Variants in TMEM232 observed in about 807,000 individuals in gnomAD.
TMEM232 encodes the protein transmembrane protein 232.
TMEM232 carries 80 observed loss-of-function variants against 78.8 expected under a neutral mutation model. The ratio of observed to expected loss-of-function variants is 1.01; its 90% CI spans 0.85 to 1.22. TMEM232 has a LOEUF of 1.22. Ranked by LOEUF, TMEM232 falls within the 50% of genes most tolerant of loss-of-function variation. The probability of loss-of-function intolerance (pLI) is 0.00; values close to 1 mark genes in which losing one functional copy is unlikely to be tolerated. For synonymous variants in TMEM232, 297 were observed against 254.3 expected, an observed-to-expected ratio of 1.17 and a Z score of -1.60; for missense variants, 881 against 742.2, an observed-to-expected ratio of 1.19 and a Z score of -2.17.
intron 10 of TMEM232, among the ~76,000 whole-genome samples, chr5:110,584,577 A>T (rs1778589919): frequency 6.6e-6 from 1 of 152,086 alleles, no homozygotes; most frequent in Admixed American, 6.6e-5. Flanking sequence ...TCTGCTGTAA[A>T]ACATTGTGTC....
chr5:110,550,764 C>T (rs1013221393), intron 11 of TMEM232, among the ~76,000 whole-genome samples: 1 of 151,426 alleles, frequency 6.6e-6, no homozygotes, highest in African/African-American at 2.4e-5. Context: ...TCAATTACCG[C>T]CAAATAGCTC....
At chr5:110,488,744 A>C (rs986933107) in intron 12 of TMEM232, among the ~76,000 whole-genome samples, 1 of 152,028 alleles carries the variant, frequency 6.6e-6, no homozygotes, top group Non-Finnish European at 1.5e-5. Context: ...AATAGTAAAC[A>C]ATAGAGAAAA....
chr5:110,622,927 G>A (rs1274453659), intron 7 of TMEM232, among the ~76,000 whole-genome samples: 4 of 151,546 alleles, frequency 2.6e-5, no homozygotes, highest in Non-Finnish European at 5.9e-5. Context: ...CACCAGCATG[G>A]CACATGTATA....
chr5:110,448,314 C>T (rs1365263513), intron 12 of TMEM232, among the ~76,000 whole-genome samples: 1 of 151,964 alleles, frequency 6.6e-6, no homozygotes, highest in African/African-American at 2.4e-5. Flanking sequence ...ATGGAGGTAA[C>T]TCAAAGTTTA....
chr5:110,533,202 G>A (rs956202139), intron 11 of TMEM232, among the ~76,000 whole-genome samples: 12 of 152,224 alleles, frequency 7.9e-5, no homozygotes, highest in East Asian at 3.9e-4. Context: ...CTGTACTGCC[G>A]CAAGGCTTCA....
chr5:110,519,485 G>A (rs1262786561), intron 12 of TMEM232, among the ~76,000 whole-genome samples: 2 of 152,098 alleles, frequency 1.3e-5, no homozygotes, highest in African/African-American at 4.8e-5. Flanking sequence ...ATGTTGGTGA[G>A]GATGTGGAGA....
chr5:110,710,291 A>G (rs1373487558), intron 1 of TMEM232, among the ~76,000 whole-genome samples: 1 of 152,124 alleles, frequency 6.6e-6, no homozygotes, highest in East Asian at 1.9e-4. Flanking sequence ...GCAGGACTCA[A>G]TGGTTTCACT....
At chr5:110,586,766 A>G (rs1778866170) in intron 10 of TMEM232, among the ~76,000 whole-genome samples, 1 of 152,120 alleles carries the variant, frequency 6.6e-6, no homozygotes, top group African/African-American at 2.4e-5. Flanking sequence ...CTATTGGTAG[A>G]CTTACAAAAA....
At chr5:110,718,819 C>G (rs1797288749) in intron 1 of TMEM232, among the ~76,000 whole-genome samples, 1 of 151,964 alleles carries the variant, frequency 6.6e-6, no homozygotes, top group Non-Finnish European at 1.5e-5. Flanking sequence ...TGGATGCACT[C>G]AACTCTATTA....
chr5:110,688,613 C>T (rs1363084263), intron 1 of TMEM232, among the ~76,000 whole-genome samples: 1 of 152,078 alleles, frequency 6.6e-6, no homozygotes, highest in Non-Finnish European at 1.5e-5. Context: ...TATGACAAAC[C>T]AAAGGAGGCC....
chr5:110,694,432 G>A (rs1033765378), intron 1 of TMEM232, among the ~76,000 whole-genome samples: 7 of 151,958 alleles, frequency 4.6e-5, no homozygotes, highest in South Asian at 2.1e-4. Flanking sequence ...TCATAATGAC[G>A]GGATCAAATT....
chr5:110,648,974 G>A (rs987934337), intron 2 of TMEM232, among the ~76,000 whole-genome samples: 8 of 152,080 alleles, frequency 5.3e-5, no homozygotes, highest in East Asian at 1.9e-4. Flanking sequence ...AGTTGCTGGT[G>A]TGCTGGCATG....
chr5:110,401,116 C>A (rs1755575060), intron 2 of TMEM232, among the ~76,000 whole-genome samples: 1 of 151,966 alleles, frequency 6.6e-6, no homozygotes, highest in Admixed American at 6.6e-5. Flanking sequence ...TGGAAACTAC[C>A]TGTCCAAAGC....
chr5:110,520,512 A>T (rs995029654), intron 12 of TMEM232, among the ~76,000 whole-genome samples: 1 of 152,248 alleles, frequency 6.6e-6, no homozygotes, highest in African/African-American at 2.4e-5. Flanking sequence ...TTTCTAGATC[A>T]ATCATTAACA....
At chr5:110,738,574 G>A, upstream of TMEM232, 1 of 181,180 alleles carries the variant, frequency 5.5e-6, no homozygotes, top group East Asian at 1.8e-4. Context: ...CCCAAGTGCG[G>A]GAGACAAAGC....
chr5:110,538,839 A>G (rs2149570933), intron 11 of TMEM232, among the ~76,000 whole-genome samples: 1 of 152,154 alleles, frequency 6.6e-6, no homozygotes, highest in East Asian at 1.9e-4. Flanking sequence ...TACAGAAGCA[A>G]ATTACTCTGT....
chr5:110,587,195 T>C (rs1457734518), intron 10 of TMEM232, among the ~76,000 whole-genome samples: 1 of 151,898 alleles, frequency 6.6e-6, no homozygotes, highest in African/African-American at 2.4e-5. Flanking sequence ...TGCAGACACA[T>C]ATATACATAT....
At chr5:110,611,009 C>A (rs1216298730) in intron 8 of TMEM232, among the ~76,000 whole-genome samples, 1 of 151,884 alleles carries the variant, frequency 6.6e-6, no homozygotes, top group Non-Finnish European at 1.5e-5. Context: ...TGTTAAATGG[C>A]TGCAGGTGAG....
intron 12 of TMEM232, among the ~76,000 whole-genome samples, chr5:110,482,341 G>C (rs1231583009): frequency 6.6e-6 from 1 of 152,086 alleles, no homozygotes; most frequent in Non-Finnish European, 1.5e-5. Flanking sequence ...AGCACTTTGG[G>C]AGGCCAAGAC....
Sources: allele counts gnomAD v4.1 joint callset (sites outside exome capture counted in the v4.1 genomes callset), GRCh38; gene constraint gnomAD v4.1.1; transcripts MANE v1.5; gene names NCBI Gene and HGNC (gene_info 2026-07-23, HGNC 2026-07-21).